Variants in BICC1 observed in about 807,000 individuals in gnomAD.
BICC1 encodes protein bicaudal C homolog 1.
A neutral mutation model predicts 111.0 loss-of-function variants in BICC1; 43 were observed. That is an observed-to-expected ratio of 0.39 (90% CI 0.30 to 0.50). The LOEUF is 0.50. BICC1 is among the 20% of genes least tolerant of loss of function. The pLI is 0.88. For synonymous variants in BICC1, 467 were observed against 434.4 expected (o/e 1.07, Z -0.93); for missense variants, 1,091 against 1,203.2 (o/e 0.91, Z 1.38).
chr10:58,772,164 TTTGA>T (rs1212225597), intron 3 of BICC1, among the ~76,000 whole-genome samples: 1 of 152,214 alleles, frequency 6.6e-6, no homozygotes, highest in Non-Finnish European at 1.5e-5. Flanking sequence ...TCTGAAGTTC[TTTGA>T]TATAATTCCA....
At chr10:58,545,509 C>T (rs1007139756) in intron 1 of BICC1, among the ~76,000 whole-genome samples, 2 of 151,988 alleles carry the variant, frequency 1.3e-5, no homozygotes, top group African/African-American at 4.8e-5. Context: ...CAGAGTTTAC[C>T]AGAGGCCTAA....
At chr10:58,627,646 A>C (rs1837672313) in intron 2 of BICC1, among the ~76,000 whole-genome samples, 1 of 152,210 alleles carries the variant, frequency 6.6e-6, no homozygotes, top group African/African-American at 2.4e-5. Flanking sequence ...GTTTGTGAGG[A>C]AGGAGTGCAT....
At chr10:58,740,065 T>A (rs140082823) in intron 3 of BICC1, among the ~76,000 whole-genome samples, 285 of 152,304 alleles carry the variant, frequency 1.9e-3, no homozygotes, top group African/African-American at 6.6e-3. Context: ...ATCTTTTTGA[T>A]CAGTTTCCTT....
intron 1 of BICC1, among the ~76,000 whole-genome samples, chr10:58,601,666 A>G (rs971879634): frequency 2.0e-5 from 3 of 152,050 alleles, no homozygotes; most frequent in East Asian, 3.9e-4. Flanking sequence ...ATTCTTCAAA[A>G]TGGTTGTGTG....
intron 8 of BICC1, among the ~76,000 whole-genome samples, chr10:58,791,506 G>A (rs1843175700): frequency 6.6e-6 from 1 of 152,142 alleles, no homozygotes; most frequent in African/African-American, 2.4e-5. Flanking sequence ...GGGAGGCCGA[G>A]GCAGGCGTAT....
At chr10:58,822,470 A>T (rs1249013394) in intron 20 of BICC1, among the ~76,000 whole-genome samples, 1 of 151,940 alleles carries the variant, frequency 6.6e-6, no homozygotes, top group Non-Finnish European at 1.5e-5. Context: ...AAAAAATAAT[A>T]TTTTTTCTAA....
chr10:58,670,298 G>T (rs1839144015), intron 2 of BICC1, among the ~76,000 whole-genome samples: 1 of 151,974 alleles, frequency 6.6e-6, no homozygotes, highest in South Asian at 2.1e-4. Context: ...GCTTTTTTGG[G>T]GGTGGTTGTT....
intron 2 of BICC1, among the ~76,000 whole-genome samples, chr10:58,640,968 T>C (rs940065234): frequency 2.6e-5 from 4 of 152,246 alleles, no homozygotes; most frequent in Non-Finnish European, 4.4e-5. Context: ...AGCAGTTCTT[T>C]GCTTTTCCAC....
intron 1 of BICC1, among the ~76,000 whole-genome samples, chr10:58,566,189 T>TACAC (rs1424838367): frequency 7.9e-5 from 12 of 150,944 alleles, no homozygotes; most frequent in African/African-American, 2.5e-4. Flanking sequence ...CACGTGTGTA[T>TACAC]ATGTGTGTAT....
intron 9 of BICC1, among the ~76,000 whole-genome samples, chr10:58,796,008 C>T (rs1251023343): frequency 6.6e-6 from 1 of 152,136 alleles, no homozygotes; most frequent in Non-Finnish European, 1.5e-5. Flanking sequence ...TGTGCCTTGA[C>T]CTGGGCTAAG....
Position 58,667,283 on chromosome 10 carries a change from A to G in BICC1, c.238-34791A>G, listed in dbSNP as rs1839042321. On this transcript the variant is annotated intron_variant, in intron 2 of 20. Transcript: ENST00000373886. ...TTTAGATATACAATTTCTCATAGCTATTAATGATATTTCTTTACCAAACTA... is the reference window on the plus strand; with the variant it reads ...TTTAGATATACAATTTCTCATAGCTGTTAATGATATTTCTTTACCAAACTA... Among the ~76,000 whole-genome samples, 3 of 115,300 alleles carry G rather than the reference A, an allele frequency of 2.6e-5. No individual in the cohort carries two copies. The South Asian group carries it at 1.0e-3, about 39-fold the overall frequency. The allele number at this position is 115,300 out of a possible 152,430, so 75.6% of individuals were successfully genotyped here.
chr10:58,810,709 A>G (rs1843874459), intron 17 of BICC1, among the ~76,000 whole-genome samples: 1 of 152,176 alleles, frequency 6.6e-6, no homozygotes. Flanking sequence ...CCTGGGGAAA[A>G]GTAGAGAGGG....
At chr10:58,560,769 A>T (rs908006475) in intron 1 of BICC1, among the ~76,000 whole-genome samples, 6 of 151,468 alleles carry the variant, frequency 4.0e-5, no homozygotes, top group African/African-American at 1.5e-4. Context: ...TAGTTTAATA[A>T]TTTTTTTTGT....
chr10:58,558,829 T>C (rs1004175910), intron 1 of BICC1, among the ~76,000 whole-genome samples: 2 of 152,232 alleles, frequency 1.3e-5, no homozygotes, highest in African/African-American at 4.8e-5. Context: ...TGATGCCTTC[T>C]AGCTGCATCC....
chr10:58,759,843 C>T (rs1181628722), intron 3 of BICC1, among the ~76,000 whole-genome samples: 1 of 151,832 alleles, frequency 6.6e-6, no homozygotes, highest in African/African-American at 2.4e-5. Context: ...CCTGTCGTCC[C>T]AGCTACTCAG....
chr10:58,709,814 G>T (rs1450405801), intron 3 of BICC1, among the ~76,000 whole-genome samples: 1 of 152,148 alleles, frequency 6.6e-6, no homozygotes, highest in Admixed American at 6.5e-5. Flanking sequence ...AATGATGACT[G>T]CCTGCACTAA....
At chr10:58,773,990 C>T (rs1198455377) in intron 3 of BICC1, among the ~76,000 whole-genome samples, 1 of 152,166 alleles carries the variant, frequency 6.6e-6, no homozygotes, top group African/African-American at 2.4e-5. Context: ...TTCCAGAAAC[C>T]TTTACTGCAG....
intron 5 of BICC1, among the ~76,000 whole-genome samples, chr10:58,787,544 G>A (rs1843047428): frequency 6.6e-6 from 1 of 152,156 alleles, no homozygotes; most frequent in African/African-American, 2.4e-5. Flanking sequence ...ATTTGTGCTT[G>A]TTCTTCTGTT....
intron 3 of BICC1, among the ~76,000 whole-genome samples, chr10:58,722,866 A>G (rs1346771696): frequency 1.3e-5 from 2 of 152,164 alleles, no homozygotes; most frequent in Non-Finnish European, 2.9e-5. Flanking sequence ...GGAAGTGTAG[A>G]TTGACAATAG....
Sources: allele counts gnomAD v4.1 joint callset (sites outside exome capture counted in the v4.1 genomes callset), GRCh38; gene constraint gnomAD v4.1.1; transcripts MANE v1.5; gene names NCBI Gene and HGNC (gene_info 2026-07-23, HGNC 2026-07-21).